Variants in MRPS5 observed in about 807,000 individuals in gnomAD.
The protein encoded by MRPS5 is small ribosomal subunit protein uS5m.
A neutral mutation model predicts 51.9 loss-of-function variants in MRPS5; 27 were observed. That is an observed-to-expected ratio of 0.52 (90% CI 0.38 to 0.72). The LOEUF (loss-of-function observed/expected upper bound fraction) is 0.72. MRPS5 is among the 30% of genes least tolerant of loss of function. MRPS5 has a pLI of 0.00. For synonymous variants in MRPS5, 196 were observed against 193.2 expected, an observed-to-expected ratio of 1.01 and a Z score of -0.12; for missense variants, 570 against 545.7, an observed-to-expected ratio of 1.04 and a Z score of -0.44.
chr2:95,114,900 C>T (rs1676239720), intron 3 of MRPS5, among the ~76,000 whole-genome samples, 166 bp downstream of exon 3: 1 of 152,152 alleles, frequency 6.6e-6, no homozygotes, highest in African/African-American at 2.4e-5. Context: ...CAACTGGTAG[C>T]ATGTGAGATA....
At chr2:95,120,893 G>A (rs1267290035) in intron 1 of MRPS5, among the ~76,000 whole-genome samples, 1 of 152,156 alleles carries the variant, frequency 6.6e-6, no homozygotes, top group Non-Finnish European at 1.5e-5. Context: ...GCTGAGGCGG[G>A]TGGATCACGA....
At chr2:95,101,384 CAAA>C (rs34810443) in intron 8 of MRPS5, among the ~76,000 whole-genome samples, 1 of 60,816 alleles carries the variant, frequency 1.6e-5, no homozygotes. Context: ...GACAACGTCT[CAAA>C]AAAAAAAAAA....
rs1349753343 is a variant in MRPS5 at position 95,090,620 on chromosome 2, G to A, written c.932-98C>T. On this transcript the variant is annotated intron_variant, in intron 10 of 11. Transcript: ENST00000272418. ...CATGGCTTCAGGCTCTGGGCTTCGG[G>A]AAACTGGTTCATATTCTGGTATCAC... The A allele has an allele frequency of 9.8e-6, 14 of 1,422,474 alleles. No individual in the cohort carries two copies. The Admixed American group carries it at 9.8e-5, about 10-fold the overall frequency. 88.1% of individuals were successfully genotyped at this position (1,422,474 alleles called of 1,614,324 possible).
At chr2:95,121,488 A>G (rs1230011485) in intron 1 of MRPS5, among the ~76,000 whole-genome samples, 2 of 152,232 alleles carry the variant, frequency 1.3e-5, no homozygotes, top group African/African-American at 4.8e-5. Flanking sequence ...GGTTTCGTGA[A>G]CTGGGAAGAA....
chr2:95,097,729 T>G (rs1259068718), intron 10 of MRPS5, among the ~76,000 whole-genome samples: 2 of 152,160 alleles, frequency 1.3e-5, no homozygotes, highest in Non-Finnish European at 2.9e-5. Context: ...ATGTTAGACC[T>G]AAAACCATAA....
intron 7 of MRPS5, 151 bp from the exon 8 acceptor site, chr2:95,101,874 C>T: frequency 1.7e-6 from 1 of 602,988 alleles, no homozygotes; most frequent in African/African-American, 1.9e-5. Flanking sequence ...CATTAATAGG[C>T]TGGGTGTAAT....
chr2:95,107,446 C>A (rs1452501952), intron 5 of MRPS5, among the ~76,000 whole-genome samples: 1 of 152,186 alleles, frequency 6.6e-6, no homozygotes, highest in East Asian at 1.9e-4. Context: ...ACTTCACACT[C>A]TGAATCTGGG....
rs762671457 is a variant in MRPS5 at position 95,121,767 on chromosome 2, C to G, written c.25G>C (p.Gly9Arg). Residue 9 changes from glycine to arginine, a missense_variant, in exon 1 of 12, where the codon GGC (glycine) becomes CGC (arginine). Physicochemically the swap from Gly to Arg is moderately radical, Grantham distance 125. Transcript: ENST00000272418. The stretch of plus-strand genomic sequence containing the variant: ...CCGCTACACAGCACGGGGAGGCAGC[C>G]CACAGCGCGCACCGCGGTCGCCATG... MATAVRAV[G>R]CLPVLCSGTA... 6.4e-6 allele frequency: 10 copies of G among 1,553,496 alleles called. No individual in the cohort carries two copies. The highest frequency in any genetic ancestry group is 8.6e-6 in the Non-Finnish European group (10 of 1,159,034).
At position 95,106,567 on chromosome 2, in the gene MRPS5, A is replaced by C. The variant is rs572097846; in HGVS notation, c.638-110T>G. 12 of 916,598 alleles carry C rather than the reference A, an allele frequency of 1.3e-5. No homozygotes were observed. In the East Asian group the frequency reaches 1.5e-4, roughly 11 times the overall value. The allele number at this position is 916,598 out of a possible 1,614,324, so 56.8% of individuals were successfully genotyped here. On this transcript the variant is annotated intron_variant, in intron 5 of 11. Coordinates refer to ENST00000272418, the MANE Select transcript of MRPS5 (RefSeq NM_031902.5). ...AGACCTTTCGGGGAGAAAGAATCTC[A>C]GATCTTTTGGTCCCACTCTCAAGGC...
At chr2:95,090,650 T>C in intron 10 of MRPS5, 128 bp from the exon 11 acceptor site, 1 of 985,286 alleles carries the variant, frequency 1.0e-6, no homozygotes, top group Non-Finnish European at 1.5e-6. Flanking sequence ...TATCACCACT[T>C]CCTAGTGAGC....
chr2:95,113,065 C>T (rs1421143451), intron 3 of MRPS5, among the ~76,000 whole-genome samples: 1 of 151,220 alleles, frequency 6.6e-6, no homozygotes, highest in Non-Finnish European at 1.5e-5. Context: ...AGAGGAAGAA[C>T]ACCAGTGAAT....
intron 10 of MRPS5, among the ~76,000 whole-genome samples, chr2:95,094,315 A>G (rs987284627): frequency 6.6e-6 from 1 of 152,232 alleles, no homozygotes; most frequent in African/African-American, 2.4e-5. Context: ...ACTCTTCAGG[A>G]TATCATCCAA....
intron 3 of MRPS5, among the ~76,000 whole-genome samples, chr2:95,112,996 C>G (rs1676168964): frequency 1.3e-5 from 2 of 148,622 alleles, no homozygotes; most frequent in South Asian, 4.3e-4. Context: ...CAGAGGGAGA[C>G]TCCGTCTCAA....
rs759673673 is a variant in MRPS5 at position 95,104,506 on chromosome 2, C to A, written c.763+134G>T. ...ATGGACTTACCACAAGCTTTGTGAA[C>A]CCAAACCACTAAAAGGTTTAATCAA... On this transcript the variant is annotated intron_variant, in intron 7 of 11. Coordinates refer to ENST00000272418, the MANE Select transcript of MRPS5 (RefSeq NM_031902.5). 3.2e-5 allele frequency: 28 copies of A among 883,310 alleles called. No individual in the cohort carries two copies. In the South Asian group the frequency reaches 3.8e-4, roughly 12 times the overall value. 54.7% of individuals were successfully genotyped at this position (883,310 alleles called of 1,614,324 possible).
At chr2:95,092,637 G>A (rs369508961) in intron 10 of MRPS5, 2 of 152,162 alleles carry the variant, frequency 1.3e-5, no homozygotes, top group African/African-American at 4.8e-5. Flanking sequence ...TAATGGTCTA[G>A]ATCATACAAA....
chr2:95,117,819 G>T, intron 2 of MRPS5, 46 bp downstream of exon 2: 1 of 1,435,148 alleles, frequency 7.0e-7, no homozygotes, highest in South Asian at 1.3e-5. Flanking sequence ...AAACTACTTT[G>T]ACATTAGATC....
At chr2:95,106,710 C>T in intron 5 of MRPS5, 1 of 533,858 alleles carries the variant, frequency 1.9e-6, no homozygotes, top group Non-Finnish European at 3.4e-6. Context: ...GCTCCTGGCC[C>T]CTCCAGACCC....
intron 11 of MRPS5, among the ~76,000 whole-genome samples, chr2:95,088,387 G>A (rs1026054102): frequency 4.6e-5 from 7 of 152,178 alleles, no homozygotes; most frequent in African/African-American, 1.2e-4. Flanking sequence ...CAGGGCCATG[G>A]GGATTCACTG....
At chr2:95,092,147 C>A (rs998271541) in intron 10 of MRPS5, 1 of 152,226 alleles carries the variant, frequency 6.6e-6, no homozygotes, top group African/African-American at 2.4e-5. Flanking sequence ...CAAACACCCA[C>A]GTGACAGTGG....
Sources: gnomAD v4.1 joint callset for allele counts (sites outside exome capture counted in the v4.1 genomes callset) on GRCh38, gnomAD v4.1.1 for gene constraint, MANE v1.5 for transcripts, NCBI Gene and HGNC (gene_info 2026-07-23, HGNC 2026-07-21) for gene names.